Variants in SIPA1L3 observed in about 807,000 individuals in gnomAD.
The protein encoded by SIPA1L3 is signal-induced proliferation-associated 1-like protein 3.
Under a neutral mutation model 150.1 loss-of-function variants are expected in SIPA1L3, and 59 were observed. That is an observed-to-expected ratio of 0.39 (90% CI 0.32 to 0.49). The LOEUF (loss-of-function observed/expected upper bound fraction) is 0.49. Among genes scored for constraint, SIPA1L3 ranks in the 20% least tolerant of loss-of-function variants. The pLI, the probability that SIPA1L3 is intolerant of heterozygous loss-of-function variation, is 0.86. For synonymous variants in SIPA1L3, 1,070 were observed against 1,077.6 expected, an observed-to-expected ratio of 0.99 and a Z score of 0.14; for missense variants, 2,211 against 2,489.5, an observed-to-expected ratio of 0.89 and a Z score of 2.38.
chr19:37,992,064 C>CCAT lies in SIPA1L3; in HGVS notation c.-378-37025_-378-37024insCAT, dbSNP rs1329591406. 8.0e-4 allele frequency among the ~76,000 whole-genome samples: 122 copies of CCAT among 152,352 alleles called. 3 individuals are homozygous for CCAT. Among genetic ancestry groups the CCAT allele is most frequent in the Admixed American group, 7.9e-3 (121 of 15,304 alleles). On this transcript the variant is annotated intron_variant, in intron 1 of 21. Transcript: ENST00000222345. ...TGTTCAGTCCACAGACAGGCATCCACGTGGCTAGAGGCAGGGCCTGGGGAA... is the reference window on the plus strand; with the variant it reads ...TGTTCAGTCCACAGACAGGCATCCACCATGTGGCTAGAGGCAGGGCCTGGGGAA...
chr19:38,015,439 T>C (rs1372996405), intron 1 of SIPA1L3, among the ~76,000 whole-genome samples: 1 of 152,008 alleles, frequency 6.6e-6, no homozygotes, highest in Non-Finnish European at 1.5e-5. Context: ...TAAAAAAGAA[T>C]GTGGCCAGGT....
rs574141946 is a variant in SIPA1L3, at chr19:38,207,805, G to A, written c.*1565G>A. 3 of 152,600 alleles carry A rather than the reference G, an allele frequency of 2.0e-5. No individual in the cohort carries two copies. The highest frequency in any genetic ancestry group is 7.2e-5 in the African/African-American group (3 of 41,552). The allele number at this position is 152,600 out of a possible 1,614,324, so 9.5% of individuals were successfully genotyped here. A position where few individuals can be genotyped will look rare whatever the true frequency, so the allele number is the denominator to read the frequency against. On this transcript the variant is annotated 3_prime_UTR_variant, in exon 22 of 22. Transcript: ENST00000222345. ...GTGGATGGGTGGGGGTGAGAGAAGAGGGTTCTTATCGCGTCTCCTGTGATC... is the reference window on the plus strand; with the variant it reads ...GTGGATGGGTGGGGGTGAGAGAAGAAGGTTCTTATCGCGTCTCCTGTGATC...
chr19:38,101,358 G>A, intron 6 of SIPA1L3, 132 bp downstream of exon 6: 1 of 572,460 alleles, frequency 1.7e-6, no homozygotes, highest in Non-Finnish European at 2.9e-6. Context: ...ACTTGTAGGA[G>A]CACAAATAAG....
chr19:37,987,333 A>ATC (rs1967381565), intron 1 of SIPA1L3, among the ~76,000 whole-genome samples: 1 of 151,966 alleles, frequency 6.6e-6, no homozygotes, highest in African/African-American at 2.4e-5. Context: ...GATGTGTAGA[A>ATC]TCTGGGACAC....
At chr19:37,997,117 A>C (rs532557352) in intron 1 of SIPA1L3, among the ~76,000 whole-genome samples, 14 of 152,314 alleles carry the variant, frequency 9.2e-5, no homozygotes, top group African/African-American at 3.4e-4. Context: ...GATACACAAC[A>C]TAATATCCAC....
Position 38,081,344 on chromosome 19 carries a change from G to A in SIPA1L3, c.-222G>A. On this transcript the variant is annotated 5_prime_UTR_variant, in exon 3 of 22. Transcript: ENST00000222345. ...GCGCTACTGAGCCACTCGGTCTGGA[G>A]CCCCCAGGACAGCACCTGCTTCCTG... 1.9e-6 allele frequency: 1 copy of A among 517,218 alleles called. No individual in the cohort carries two copies. Among genetic ancestry groups the A allele is most frequent in the Admixed American group, 3.4e-5 (1 of 29,664 alleles). The allele number at this position is 517,218 out of a possible 1,614,324, so 32.0% of individuals were successfully genotyped here. A position where few individuals can be genotyped will look rare whatever the true frequency, so the allele number is the denominator to read the frequency against.
chr19:37,923,771 T>G (rs1455534729), intron 1 of SIPA1L3, among the ~76,000 whole-genome samples: 1 of 152,086 alleles, frequency 6.6e-6, no homozygotes, highest in Non-Finnish European at 1.5e-5. Flanking sequence ...TTTTTTTTCT[T>G]TTTTTTGAGA....
intron 1 of SIPA1L3, among the ~76,000 whole-genome samples, chr19:38,021,874 G>T (rs1968380150): frequency 6.6e-6 from 1 of 152,196 alleles, no homozygotes; most frequent in South Asian, 2.1e-4. Flanking sequence ...TGTGAGGAGA[G>T]GGGAAATGCT....
At chr19:38,089,328 C>CAAAAAAAAAAAA (rs55806031) in intron 4 of SIPA1L3, among the ~76,000 whole-genome samples, 1 of 64,274 alleles carries the variant, frequency 1.6e-5, no homozygotes, top group Non-Finnish European at 3.4e-5. Context: ...GACTGTGTCT[C>CAAAAAAAAAAAA]AAAAAAAAAA....
intron 13 of SIPA1L3, among the ~76,000 whole-genome samples, chr19:38,157,399 A>C (rs777297931): frequency 2.0e-4 from 30 of 152,156 alleles, no homozygotes; most frequent in Non-Finnish European, 4.0e-4. Flanking sequence ...AGGCACAGAA[A>C]GGTTGTCACT....
At chr19:38,167,528 G>A (rs1972237177) in intron 15 of SIPA1L3, among the ~76,000 whole-genome samples, 1 of 152,132 alleles carries the variant, frequency 6.6e-6, no homozygotes, top group African/African-American at 2.4e-5. Context: ...CACTGTCTGA[G>A]TGTTTTAGAC....
chr19:38,164,480 G>T lies in SIPA1L3; in HGVS notation c.3782G>T (p.Gly1261Val), dbSNP rs1972160384. 1 of 1,599,790 alleles carries T rather than the reference G, an allele frequency of 6.3e-7. No homozygotes were observed. The highest frequency in any genetic ancestry group is 1.7e-5 in the Admixed American group (1 of 59,540). Reference sequence around the variant, plus strand: ...TGACACGCTTCTCTTGCCTCTCAGGGAGAACCTCAATACTCAAGTCATTCC... The same window carrying T: ...TGACACGCTTCTCTTGCCTCTCAGGTAGAACCTCAATACTCAAGTCATTCC... ...GKDSPNRHSK[G>V]EPQYSSHSSS... The change falls in exon 15 of 22, where the codon GGA becomes GTA. Residue 1261 changes from glycine (G) to valine (V), a missense_variant and splice_region_variant. By Grantham distance (109) the Gly-to-Val change is moderately radical. This residue lies in a region of SIPA1L3 where 806 missense variants were observed against 870.1 expected (regional missense o/e 0.93). Transcript: ENST00000222345. The surrounding 1 kb of genome is among the most constrained non-coding windows in gnomAD (Gnocchi z 4.1).
chr19:38,043,943 C>T (rs185486455), intron 2 of SIPA1L3, among the ~76,000 whole-genome samples: 441 of 152,272 alleles, frequency 2.9e-3, no homozygotes, highest in Non-Finnish European at 3.4e-3. Context: ...TGTGTGGCAG[C>T]AGGAGCCAGA....
intron 16 of SIPA1L3, among the ~76,000 whole-genome samples, chr19:38,188,965 G>A (rs1023001190): frequency 5.3e-5 from 8 of 150,662 alleles, no homozygotes; most frequent in Non-Finnish European, 1.2e-4. Flanking sequence ...CTGGCCCTCA[G>A]CCATCCTGCT....
rs377005771 is a variant in SIPA1L3 at position 38,192,289 on chromosome 19, A to G, written c.4575A>G (p.Pro1525=). The change falls in exon 17 of 22, where the codon CCA becomes CCG. Residue 1525 remains proline (P), a synonymous_variant. Transcript: ENST00000222345. ...TCATCATCATGGACAACCTGGGGCC[A>G]GAGCAGGAGAGAGACACGGGAGTAC... ...KKLIIMDNLG[P]EQERDTGQSP... 54 of 1,609,070 alleles carry G rather than the reference A, an allele frequency of 3.4e-5. 1 individual carries two copies. The highest frequency in any genetic ancestry group is 1.7e-5 in the Non-Finnish European group (20 of 1,177,984).
chr19:38,009,607 C>G (rs1369870989), intron 1 of SIPA1L3, among the ~76,000 whole-genome samples: 1 of 152,050 alleles, frequency 6.6e-6, no homozygotes, highest in Non-Finnish European at 1.5e-5. Flanking sequence ...CTCAACAGCC[C>G]TATTGAGAGT....
intron 1 of SIPA1L3, among the ~76,000 whole-genome samples, chr19:37,914,801 G>C (rs1173570174): frequency 6.6e-6 from 1 of 152,036 alleles, no homozygotes; most frequent in Non-Finnish European, 1.5e-5. Flanking sequence ...CACCATACCT[G>C]GCCTACTTTT....
Position 37,931,205 on chromosome 19 carries a change from A to G in SIPA1L3, c.-379+23847A>G, listed in dbSNP as rs919244130. Among the ~76,000 whole-genome samples, 4 of 152,342 alleles carry G rather than the reference A, an allele frequency of 2.6e-5. No homozygotes were observed. The South Asian group carries it at 6.2e-4, about 24-fold the overall frequency. On this transcript the variant is annotated intron_variant, in intron 1 of 21. Coordinates refer to ENST00000222345, the MANE Select transcript of SIPA1L3 (RefSeq NM_015073.3). ...GAGCATTTTTGTGAGCCACAAGCAT[A>G]GTGCTCACCATAAAGATCTCACTTG...
At chr19:37,976,977 G>T (rs923554516) in intron 1 of SIPA1L3, among the ~76,000 whole-genome samples, 1 of 151,944 alleles carries the variant, frequency 6.6e-6, no homozygotes, top group Non-Finnish European at 1.5e-5. Flanking sequence ...TGGGACTATA[G>T]GCATGTGCCA....
Sources: gnomAD v4.1 joint callset for allele counts (sites outside exome capture counted in the v4.1 genomes callset) on GRCh38, gnomAD v4.1.1 for gene constraint, gnomAD v4.1.1 regional missense constraint, Gnocchi (gnomAD v3.1) non-coding constraint, MANE v1.5 for transcripts, NCBI Gene and HGNC (gene_info 2026-07-23, HGNC 2026-07-21) for gene names.